SPON2: variants seen among roughly 807,000 people sequenced by gnomAD.
SPON2 encodes spondin-2.
In SPON2, 32 loss-of-function variants were observed where a neutral mutation model predicts 29.9. The ratio of observed to expected loss-of-function variants is 1.07; its 90% CI spans 0.81 to 1.44. The LOEUF (loss-of-function observed/expected upper bound fraction) is 1.44, where lower values mean the gene tolerates loss of function less well. SPON2 is among the 40% of genes most tolerant of loss of function. The pLI is 0.00. For synonymous variants in SPON2, 248 were observed against 209.1 expected (o/e 1.19, Z -1.61); for missense variants, 541 against 455.5 (o/e 1.19, Z -1.71).
At chr4:1,207,419 A>G (rs1254745605) in intron 1 of SPON2, among the ~76,000 whole-genome samples, 1 of 152,180 alleles carries the variant, frequency 6.6e-6, no homozygotes, top group Non-Finnish European at 1.5e-5. Flanking sequence ...AGCCCTCCAC[A>G]GTGGGATCCT....
Position 1,172,020 on chromosome 4 carries a change from G to A in SPON2, c.52C>T (p.Leu18Phe), listed in dbSNP as rs142113297. 3,213 of 1,612,762 alleles carry A rather than the reference G, an allele frequency of 2.0e-3. 7 individuals are homozygous for A. Among genetic ancestry groups the A allele is most frequent in the Non-Finnish European group, 1.8e-3 (2,165 of 1,179,874 alleles). ...AALGKALCAL[L>F]LATLGAAGQP... ...CCGGCGGCGCCGAGAGTGGCCAGGAGGAGAGCGCAGAGGGCCTTGCCCAGG... is the reference window on the plus strand; with the variant it reads ...CCGGCGGCGCCGAGAGTGGCCAGGAAGAGAGCGCAGAGGGCCTTGCCCAGG... Residue 18 changes from leucine to phenylalanine, a missense_variant, in exon 2 of 6, where the codon CTC (leucine) becomes TTC (phenylalanine). Physicochemically the swap from Leu to Phe is conservative, Grantham distance 22. Coordinates refer to ENST00000290902, the MANE Select transcript of SPON2 (RefSeq NM_012445.4).
chr4:1,167,401 G>A lies in SPON2; in HGVS notation c.*71C>T. ...CCCCCTGTGCCCTCGGCCGCCTGCA[G>A]CATGAGCCTGCACAGGAGCCCCCGA... On this transcript the variant is annotated 3_prime_UTR_variant, in exon 6 of 6. Coordinates refer to ENST00000290902, the MANE Select transcript of SPON2 (RefSeq NM_012445.4). 6.7e-7 allele frequency: 1 copy of A among 1,485,648 alleles called. No individual in the cohort carries two copies. Among genetic ancestry groups the A allele is most frequent in the South Asian group, 1.3e-5 (1 of 77,368 alleles). The allele number at this position is 1,485,648 out of a possible 1,614,324, so 92.0% of individuals were successfully genotyped here. A position where few individuals can be genotyped will look rare whatever the true frequency, so the allele number is the denominator to read the frequency against.
intron 1 of SPON2, chr4:1,201,138 G>T (rs1211304133): frequency 4.4e-6 from 2 of 455,790 alleles, no homozygotes; most frequent in South Asian, 3.1e-5. Flanking sequence ...CAGCCAGCGG[G>T]ACCCAGATTC....
intron 2 of SPON2, 110 bp from the exon 3 acceptor site, chr4:1,171,596 GC>G (rs1173276187): frequency 5.1e-6 from 6 of 1,182,604 alleles, no homozygotes; most frequent in South Asian, 1.4e-5. Flanking sequence ...GGGAACCATG[GC>G]CCCCAGTCAC....
At chr4:1,200,890 C>G (rs1030572982) in intron 1 of SPON2, 14 of 456,584 alleles carry the variant, frequency 3.1e-5, no homozygotes, top group Middle Eastern at 3.2e-4. Context: ...TGACCACTGA[C>G]TGAGCACCAC....
chr4:1,186,079 C>G (rs1445004806), intron 1 of SPON2, among the ~76,000 whole-genome samples: 3 of 138,788 alleles, frequency 2.2e-5, no homozygotes, highest in Admixed American at 7.8e-5. Context: ...CCCATCTCTA[C>G]TAAAAATACA....
intron 1 of SPON2, among the ~76,000 whole-genome samples, chr4:1,194,046 C>T (rs1015713659): frequency 1.3e-5 from 2 of 152,026 alleles, no homozygotes; most frequent in East Asian, 1.9e-4. Flanking sequence ...GCAGCTGTTC[C>T]CACCTTCCCT....
chr4:1,169,784 C>A (rs1171562412), intron 5 of SPON2: 1 of 153,606 alleles, frequency 6.5e-6, no homozygotes, highest in Non-Finnish European at 1.4e-5. Context: ...CCAGAGCCAA[C>A]AGGCCCTGAC....
intron 1 of SPON2, among the ~76,000 whole-genome samples, chr4:1,183,987 A>G (rs1727747203): frequency 6.6e-6 from 1 of 152,200 alleles, no homozygotes; most frequent in African/African-American, 2.4e-5. Context: ...CTATTTTGTT[A>G]GTTATTTTGA....
At chr4:1,206,917 G>A (rs1728355444) in intron 1 of SPON2, among the ~76,000 whole-genome samples, 1 of 150,162 alleles carries the variant, frequency 6.7e-6, no homozygotes, top group Non-Finnish European at 1.5e-5. Context: ...AGGGTGGGAG[G>A]AGATAGGGAC....
At chr4:1,177,048 A>G (rs1163859194), upstream of SPON2, among the ~76,000 whole-genome samples, 5 of 152,184 alleles carry the variant, frequency 3.3e-5, no homozygotes, top group African/African-American at 7.2e-5. Flanking sequence ...TGTTTAGTGA[A>G]TTGGTTGACA....
upstream of SPON2, among the ~76,000 whole-genome samples, chr4:1,198,415 A>G (rs949342476): frequency 2.0e-5 from 3 of 152,220 alleles, no homozygotes; most frequent in African/African-American, 7.2e-5. Flanking sequence ...TTCCCAAGAC[A>G]TGAAAGGATG....
intron 1 of SPON2, among the ~76,000 whole-genome samples, chr4:1,192,128 G>A (rs999961428): frequency 3.3e-5 from 5 of 152,254 alleles, no homozygotes; most frequent in East Asian, 1.9e-4. Flanking sequence ...TGTGTGACCC[G>A]GCATGGGTTA....
Position 1,171,394 on chromosome 4 carries a change from C to A in SPON2, c.313G>T (p.Ala105Ser), listed in dbSNP as rs914865563. 6.2e-7 allele frequency: 1 copy of A among 1,612,336 alleles called. No individual in the cohort carries two copies. Among genetic ancestry groups the A allele is most frequent in the Admixed American group, 1.7e-5 (1 of 60,024 alleles). The stretch of plus-strand genomic sequence containing the variant: ...GCCGCCTCGATCTCCTTCATCAGCG[C>A]CCAGGCCTCGCCGCGCTCCGCAAAG... ...RDFAERGEAW[A>S]LMKEIEAAGE... Residue 105 changes from alanine to serine, a missense_variant, in exon 3 of 6, where the codon GCG becomes TCG. Ala to Ser is a moderately conservative substitution (Grantham distance 99, BLOSUM62 1). Coordinates refer to ENST00000290902, the MANE Select transcript of SPON2 (RefSeq NM_012445.4).
chr4:1,193,875 G>A (rs1318833434), intron 1 of SPON2, among the ~76,000 whole-genome samples: 1 of 128,504 alleles, frequency 7.8e-6, no homozygotes, highest in Non-Finnish European at 1.6e-5. Context: ...GGGACGGTGT[G>A]GGAAGGATGT....
chr4:1,193,018 G>A (rs908755826), intron 1 of SPON2, among the ~76,000 whole-genome samples: 2 of 152,148 alleles, frequency 1.3e-5, no homozygotes, highest in African/African-American at 4.8e-5. Flanking sequence ...TACCCACCAG[G>A]CCCACACACA....
Position 1,207,345 on chromosome 4 carries a change from G to A in SPON2, c.-234+535C>T, listed in dbSNP as rs1215035785. 2.0e-5 allele frequency among the ~76,000 whole-genome samples: 3 copies of A among 152,106 alleles called. 1 individual carries two copies. The South Asian group carries it at 6.2e-4, about 31-fold the overall frequency. ...AGCCCTGGCCCCGGCTGGCCCCGGC[G>A]TCCCCACAGTGGGCACCCCCAGCTG... is the stretch of plus-strand genomic sequence containing the variant. On this transcript the variant is annotated intron_variant, in intron 1 of 3. Transcript: ENST00000509233.
At chr4:1,181,139 G>A (rs1727694001) in intron 1 of SPON2, among the ~76,000 whole-genome samples, 2 of 152,198 alleles carry the variant, frequency 1.3e-5, no homozygotes, top group African/African-American at 2.4e-5. Flanking sequence ...AAGGCATCAA[G>A]AGAGAAGCAA....
upstream of SPON2, among the ~76,000 whole-genome samples, chr4:1,196,175 C>T (rs199518978): frequency 4.1e-4 from 62 of 152,356 alleles, 1 homozygote; most frequent in East Asian, 0.011. Flanking sequence ...TCAGTCAGGG[C>T]TCATGGGGGA....
Sources: allele counts gnomAD v4.1 joint callset (sites outside exome capture counted in the v4.1 genomes callset), GRCh38; gene constraint gnomAD v4.1.1; transcripts MANE v1.5; gene names NCBI Gene and HGNC (gene_info 2026-07-23, HGNC 2026-07-21).